FRMD4A: variants seen among roughly 807,000 people sequenced by gnomAD.
The protein encoded by FRMD4A is FERM domain-containing protein 4A.
Under a neutral mutation model 129.1 loss-of-function variants are expected in FRMD4A, and 29 were observed. The ratio of observed to expected loss-of-function variants is 0.22; its 90% CI spans 0.17 to 0.31. The LOEUF (loss-of-function observed/expected upper bound fraction) is 0.31, where lower values mean the gene tolerates loss of function less well. Ranked by LOEUF, FRMD4A falls within the 10% of genes least tolerant of loss-of-function variation. FRMD4A has a pLI of 1.00. For missense variants in FRMD4A, 1,272 were observed against 1,375.8 expected (o/e 0.92, Z 1.19); for synonymous variants, 634 against 571.6 (o/e 1.11, Z -1.56).
intron 2 of FRMD4A, among the ~76,000 whole-genome samples, chr10:14,084,440 C>T (rs976108496): frequency 6.6e-6 from 1 of 152,236 alleles, no homozygotes; most frequent in Admixed American, 6.5e-5. Context: ...AGCCACTGCA[C>T]CCGGCTGGGG....
At chr10:14,036,751 T>A (rs958227548) in intron 2 of FRMD4A, among the ~76,000 whole-genome samples, 1 of 152,134 alleles carries the variant, frequency 6.6e-6, no homozygotes, top group East Asian at 1.9e-4. Flanking sequence ...ACTCGTCTAA[T>A]TTTTTTGTAT....
chr10:14,126,550 G>A (rs866713669), intron 2 of FRMD4A, among the ~76,000 whole-genome samples: 4 of 151,662 alleles, frequency 2.6e-5, no homozygotes, highest in Non-Finnish European at 4.4e-5. Context: ...TTGGCTACAC[G>A]ATGACCACCA....
intron 2 of FRMD4A, among the ~76,000 whole-genome samples, chr10:14,084,227 A>ACCT (rs1836112627): frequency 6.6e-6 from 1 of 152,024 alleles, no homozygotes; most frequent in African/African-American, 2.4e-5. Flanking sequence ...GCTCACTGCA[A>ACCT]CCTCCGCCTC....
At chr10:14,296,399 A>G (rs1846009250) in intron 2 of FRMD4A, among the ~76,000 whole-genome samples, 1 of 152,112 alleles carries the variant, frequency 6.6e-6, no homozygotes, top group Non-Finnish European at 1.5e-5. Flanking sequence ...GTCTCCTGAG[A>G]ACAGCCCTCC....
At chr10:14,131,876 T>A (rs1156610828) in intron 2 of FRMD4A, among the ~76,000 whole-genome samples, 1 of 152,152 alleles carries the variant, frequency 6.6e-6, no homozygotes, top group African/African-American at 2.4e-5. Context: ...GACCTCTTCA[T>A]CCTGATCAAA....
At chr10:13,865,287 A>T (rs1013282801) in intron 2 of FRMD4A, among the ~76,000 whole-genome samples, 3 of 152,204 alleles carry the variant, frequency 2.0e-5, no homozygotes, top group Non-Finnish European at 4.4e-5. Context: ...TACTCATCAT[A>T]ACGTTAGCTG....
intron 2 of FRMD4A, among the ~76,000 whole-genome samples, chr10:13,940,613 T>C (rs1052328588): frequency 6.6e-6 from 1 of 152,326 alleles, no homozygotes; most frequent in Middle Eastern, 3.4e-3. Context: ...GGAATGGCGC[T>C]ATCACTGCTT....
intron 4 of FRMD4A, among the ~76,000 whole-genome samples, chr10:13,797,453 G>A (rs1360216318): frequency 1.3e-5 from 2 of 152,122 alleles, no homozygotes; most frequent in Non-Finnish European, 2.9e-5. Context: ...ACCAGCCCGT[G>A]CAAAGGCCCC....
chr10:14,231,028 G>A (rs1343723537), intron 2 of FRMD4A, among the ~76,000 whole-genome samples: 1 of 152,084 alleles, frequency 6.6e-6, no homozygotes, highest in Non-Finnish European at 1.5e-5. Context: ...TTATCCAGAT[G>A]GGCACTAAGG....
chr10:14,178,764 G>A (rs1841816060), intron 2 of FRMD4A, among the ~76,000 whole-genome samples: 1 of 151,590 alleles, frequency 6.6e-6, no homozygotes, highest in African/African-American at 2.4e-5. Flanking sequence ...TTACCATCTG[G>A]GGTTAACCCA....
intron 2 of FRMD4A, among the ~76,000 whole-genome samples, chr10:14,314,470 G>A (rs956725434): frequency 2.0e-5 from 3 of 152,208 alleles, no homozygotes; most frequent in African/African-American, 7.2e-5. Flanking sequence ...ATTTTGGCCA[G>A]TGAAAAATAA....
At chr10:14,047,259 C>A (rs1012198175) in intron 2 of FRMD4A, among the ~76,000 whole-genome samples, 2 of 152,146 alleles carry the variant, frequency 1.3e-5, no homozygotes, top group Non-Finnish European at 2.9e-5. Context: ...AAAGAAGAAC[C>A]AAGAAGGTTA....
At chr10:13,712,671 T>G (rs1046408100) in intron 12 of FRMD4A, among the ~76,000 whole-genome samples, 2 of 152,242 alleles carry the variant, frequency 1.3e-5, no homozygotes, top group African/African-American at 4.8e-5. Flanking sequence ...TCTTAGTTTC[T>G]GACCTAGACT....
intron 2 of FRMD4A, among the ~76,000 whole-genome samples, chr10:14,104,114 G>A (rs529474212): frequency 2.6e-5 from 4 of 152,010 alleles, no homozygotes; most frequent in East Asian, 1.9e-4. Flanking sequence ...GGTCTACATC[G>A]CCATCAAGGT....
intron 2 of FRMD4A, among the ~76,000 whole-genome samples, chr10:14,307,817 C>T (rs574250375): frequency 6.6e-6 from 1 of 152,322 alleles, no homozygotes; most frequent in African/African-American, 2.4e-5. Flanking sequence ...CCGCGAGTTA[C>T]AGGCACACCT....
At chr10:14,275,348 G>A (rs1313022790) in intron 2 of FRMD4A, among the ~76,000 whole-genome samples, 2 of 152,232 alleles carry the variant, frequency 1.3e-5, no homozygotes, top group Non-Finnish European at 2.9e-5. Flanking sequence ...CTAAACACTG[G>A]ACAATGTTAC....
intron 2 of FRMD4A, among the ~76,000 whole-genome samples, chr10:13,914,116 T>C (rs2094973849): frequency 6.6e-6 from 1 of 152,242 alleles, no homozygotes; most frequent in African/African-American, 2.4e-5. Flanking sequence ...CGCGGGCAGA[T>C]GCCTTCTGTT....
At chr10:13,986,974 G>C (rs1304622024) in intron 2 of FRMD4A, among the ~76,000 whole-genome samples, 1 of 151,972 alleles carries the variant, frequency 6.6e-6, no homozygotes, top group East Asian at 1.9e-4. Flanking sequence ...GTAGGGCCTG[G>C]GAATTTGCAT....
intron 6 of FRMD4A, among the ~76,000 whole-genome samples, chr10:13,768,101 T>TGTGTGTGC (rs979850789): frequency 5.9e-5 from 9 of 151,948 alleles, no homozygotes; most frequent in African/African-American, 2.2e-4. Flanking sequence ...TGTGTGTGTG[T>TGTGTGTGC]GCGAACGTGC....
Sources: gnomAD v4.1 joint callset for allele counts (sites outside exome capture counted in the v4.1 genomes callset) on GRCh38, gnomAD v4.1.1 for gene constraint, MANE v1.5 for transcripts, NCBI Gene and HGNC (gene_info 2026-07-23, HGNC 2026-07-21) for gene names.